The following ABCC6 variants were observed in gnomAD, a reference collection of about 807,000 sequenced individuals.
ABCC6 encodes ATP-binding cassette sub-family C member 6.
In ABCC6, 126 loss-of-function variants were observed where a neutral mutation model predicts 169.5. The observed-to-expected ratio is 0.74, with a 90% CI of 0.64 to 0.86. The LOEUF (loss-of-function observed/expected upper bound fraction) is 0.86. Among genes scored for constraint, ABCC6 ranks in the 40% least tolerant of loss-of-function variants. The probability of loss-of-function intolerance (pLI) is 0.00; values close to 1 mark genes in which losing one functional copy is unlikely to be tolerated. For missense variants in ABCC6, 1,733 were observed against 1,927.2 expected (o/e 0.90, Z 1.89); for synonymous variants, 752 against 814.7 (o/e 0.92, Z 1.31).
At chr16:16,193,170 A>C (rs1310009424) in intron 10 of ABCC6, among the ~76,000 whole-genome samples, 1 of 152,154 alleles carries the variant, frequency 6.6e-6, no homozygotes, top group African/African-American at 2.4e-5. Flanking sequence ...AATCCCACCA[A>C]AACCAAGATG....
intron 9 of ABCC6, 102 bp from the exon 10 acceptor site, chr16:16,198,284 G>A (rs994614628): frequency 3.8e-5 from 49 of 1,290,244 alleles, no homozygotes; most frequent in Middle Eastern, 2.5e-4. Flanking sequence ...ACACGTCTGC[G>A]AGGTGGGTGA....
At chr16:16,154,581 C>G (rs751144791) in intron 29 of ABCC6, 47 bp downstream of exon 29, 3 of 1,610,018 alleles carry the variant, frequency 1.9e-6, no homozygotes, top group Admixed American at 3.3e-5. Context: ...CATGGCCATC[C>G]CCTCCTCTCC....
At position 16,187,950 on chromosome 16, in the gene ABCC6, G is replaced by A. The variant is rs868736611; in HGVS notation, c.1780-739C>T. On this transcript the variant is annotated intron_variant, in intron 13 of 30. Coordinates refer to ENST00000205557, the MANE Select transcript of ABCC6 (RefSeq NM_001171.6). The stretch of plus-strand genomic sequence containing the variant: ...AAATAAATAAATAAATAAATAAGGC[G>A]GCCAGGCGCGGTGGCTCATGCCTGT... Among the ~76,000 whole-genome samples the A allele has an allele frequency of 2.3e-4, 34 of 147,258 alleles. No individual in the cohort carries two copies. In the South Asian group the frequency reaches 2.8e-3, roughly 12 times the overall value.
chr16:16,153,612 A>C (rs1452676493), intron 29 of ABCC6, among the ~76,000 whole-genome samples: 1 of 152,142 alleles, frequency 6.6e-6, no homozygotes, highest in Non-Finnish European at 1.5e-5. Flanking sequence ...CTAACACTAC[A>C]GAAACTATAC....
intron 22 of ABCC6, among the ~76,000 whole-genome samples, chr16:16,169,293 G>T (rs6498607): frequency 1.3e-5 from 2 of 152,092 alleles, no homozygotes; most frequent in Non-Finnish European, 2.9e-5. Flanking sequence ...CCATTTTTGA[G>T]GAGGAGAAGA....
rs575710759 is a variant in ABCC6, at chr16:16,176,041, A to G, written c.2591-55T>C. 35 of 1,553,824 alleles carry G rather than the reference A, an allele frequency of 2.3e-5. No individual in the cohort carries two copies. In the African/African-American group the frequency reaches 3.1e-4, roughly 14 times the overall value. The stretch of plus-strand genomic sequence containing the variant: ...ACACGGCCCAGATACCCACTTTGAC[A>G]CCCACTGACTATGTGGCCTTAACCG... On this transcript the variant is annotated intron_variant, in intron 19 of 30. Coordinates refer to ENST00000205557, the MANE Select transcript of ABCC6 (RefSeq NM_001171.6).
chr16:16,206,449 A>G (rs1243542539), intron 7 of ABCC6, among the ~76,000 whole-genome samples: 1 of 151,872 alleles, frequency 6.6e-6, no homozygotes, highest in African/African-American at 2.4e-5. Flanking sequence ...CCTGAGCAAC[A>G]TGGAGAAACC....
chr16:16,202,841 A>T (rs1209445630), intron 8 of ABCC6, among the ~76,000 whole-genome samples: 3 of 152,228 alleles, frequency 2.0e-5, no homozygotes, highest in Admixed American at 1.3e-4. Flanking sequence ...TGGGCTGGCT[A>T]CAAAACCGGC....
chr16:16,161,542 G>A lies in ABCC6; in HGVS notation c.3529C>T (p.Leu1177Phe). 2 of 1,613,952 alleles carry A rather than the reference G, an allele frequency of 1.2e-6. No homozygotes were observed. The highest frequency in any genetic ancestry group is 1.7e-6 in the Non-Finnish European group (2 of 1,180,016). ...ADRWLAANVE[L>F]LGNGLVFAAA... ...GCAAACACCAGGCCATTCCCCAGGA[G>A]CTCCACATTGGCCGCAAGCCACCTG... The change falls in exon 25 of 31, where the codon CTC (leucine) becomes TTC (phenylalanine). Residue 1177 changes from leucine (L) to phenylalanine (F), a missense_variant. Around this residue, in one of 5 missense-constraint regions of ABCC6, gnomAD observed 1,601 missense variants for 1,635.5 expected, o/e 0.98. Transcript: ENST00000205557.
intron 1 of ABCC6, among the ~76,000 whole-genome samples, chr16:16,222,407 G>A (rs2049104932): frequency 6.6e-6 from 1 of 151,884 alleles, no homozygotes; most frequent in Non-Finnish European, 1.5e-5. Context: ...TTAGAGACAG[G>A]GTCTCACTCT....
intron 24 of ABCC6, among the ~76,000 whole-genome samples, chr16:16,161,936 T>C (rs1056907487): frequency 6.6e-6 from 1 of 152,056 alleles, no homozygotes; most frequent in Non-Finnish European, 1.5e-5. Flanking sequence ...GAGGGAGGGA[T>C]CTGGTGGGAG....
intron 30 of ABCC6, 149 bp downstream of exon 30, chr16:16,150,429 G>T (rs1322640386): frequency 2.7e-6 from 4 of 1,494,774 alleles, no homozygotes; most frequent in Non-Finnish European, 3.6e-6. Flanking sequence ...TTTCCCACTT[G>T]GCATGTGTTC....
intron 13 of ABCC6, among the ~76,000 whole-genome samples, chr16:16,187,796 G>GA (rs2047696974): frequency 6.6e-6 from 1 of 152,120 alleles, no homozygotes; most frequent in African/African-American, 2.4e-5. Flanking sequence ...TCAGGAGGCT[G>GA]GGAGGTAGAA....
intron 6 of ABCC6, among the ~76,000 whole-genome samples, chr16:16,210,368 C>T (rs1209006938): frequency 6.6e-6 from 1 of 152,072 alleles, no homozygotes; most frequent in African/African-American, 2.4e-5. Flanking sequence ...AAATCCTGAC[C>T]TCAGGTGATC....
chr16:16,208,183 C>T lies in ABCC6; in HGVS notation c.794+545G>A, dbSNP rs547847885. On this transcript the variant is annotated intron_variant, in intron 7 of 30. Coordinates refer to ENST00000205557, the MANE Select transcript of ABCC6 (RefSeq NM_001171.6). ...CTGCCATTTCCCCATTTGTAGGAAC[C>T]TGTTTGTTCCCCGTTTGTAGGAACC... Among the ~76,000 whole-genome samples the T allele has an allele frequency of 1.8e-4, 27 of 152,144 alleles. 1 individual carries two copies. The South Asian group carries it at 5.6e-3, about 32-fold the overall frequency.
intron 22 of ABCC6, 76 bp from the exon 23 acceptor site, chr16:16,166,009 C>T: frequency 6.9e-7 from 1 of 1,439,154 alleles, no homozygotes; most frequent in South Asian, 1.2e-5. Context: ...GCGCAGGTCT[C>T]TCCCGCTACC....
At position 16,173,396 on chromosome 16, in the gene ABCC6, T is replaced by C. The variant is rs1277193521; in HGVS notation, c.2675A>G (p.Lys892Arg). ...GGTACGGTCCTTCTCAGGGACTGAC[T>C]TGATGGACCTGTCATTTAGAGGAAA... ...RPELRRERSI[K>R]SVPEKDRTTS... Residue 892 changes from lysine to arginine, a missense_variant, in exon 21 of 31, where the codon AAG becomes AGG. By Grantham distance (26) the Lys-to-Arg change is conservative. Around this residue, in one of 5 missense-constraint regions of ABCC6, gnomAD observed 1,601 missense variants for 1,635.5 expected, o/e 0.98. Transcript: ENST00000205557. The C allele has an allele frequency of 3.1e-6, 5 of 1,613,980 alleles. No individual in the cohort carries two copies. The African/African-American group carries it at 5.3e-5, about 17-fold the overall frequency.
intron 23 of ABCC6, 21 bp from the exon 24 acceptor site, chr16:16,163,213 AG>A: frequency 1.2e-6 from 2 of 1,609,684 alleles, no homozygotes; most frequent in Non-Finnish European, 1.7e-6. Context: ...TGGATGGGAG[AG>A]GGAAGAGGAG....
chr16:16,201,900 C>T, intron 9 of ABCC6, 101 bp downstream of exon 9: 1 of 1,319,968 alleles, frequency 7.6e-7, no homozygotes, highest in Non-Finnish European at 1.1e-6. Flanking sequence ...CTCTAATAAG[C>T]AAGGACTGAA....
Sources: allele counts gnomAD v4.1 joint callset (sites outside exome capture counted in the v4.1 genomes callset), GRCh38; gene constraint gnomAD v4.1.1; regional missense constraint gnomAD v4.1.1; transcripts MANE v1.5; gene names NCBI Gene and HGNC (gene_info 2026-07-23, HGNC 2026-07-21).